MED4: variants seen among roughly 807,000 people sequenced by gnomAD.
MED4 encodes the protein mediator of RNA polymerase II transcription subunit 4.
A neutral mutation model predicts 35.0 loss-of-function variants in MED4; 21 were observed. That is an observed-to-expected ratio of 0.60 (90% CI 0.43 to 0.86). MED4 has a LOEUF of 0.86. Ranked by LOEUF, MED4 falls within the 40% of genes least tolerant of loss-of-function variation. The pLI is 0.00. For synonymous variants in MED4, 138 were observed against 114.0 expected, an observed-to-expected ratio of 1.21 and a Z score of -1.34; for missense variants, 300 against 319.4, an observed-to-expected ratio of 0.94 and a Z score of 0.46.
chr13:48,085,867 A>T (rs1012101668), intron 3 of MED4, among the ~76,000 whole-genome samples: 8 of 152,094 alleles, frequency 5.3e-5, no homozygotes, highest in Non-Finnish European at 1.0e-4. Context: ...AATTTATAAA[A>T]TGTGTATATA....
At chr13:48,089,736 C>T (rs375892805) in intron 2 of MED4, among the ~76,000 whole-genome samples, 51 of 152,056 alleles carry the variant, frequency 3.4e-4, no homozygotes, top group Non-Finnish European at 7.4e-5. Context: ...GGCTACAGAG[C>T]GAGAACTTGT....
chr13:48,081,793 G>A, intron 4 of MED4, 62 bp from the exon 5 acceptor site: 1 of 979,824 alleles, frequency 1.0e-6, no homozygotes, highest in Admixed American at 2.5e-5. Flanking sequence ...GTTTAGAAAT[G>A]TATCTATCAG....
At chr13:48,089,024 C>G (rs1292481766) in intron 2 of MED4, among the ~76,000 whole-genome samples, 1 of 152,190 alleles carries the variant, frequency 6.6e-6, no homozygotes, top group South Asian at 2.1e-4. Flanking sequence ...GTGCCTGGCT[C>G]ATAGCAAGCA....
At position 48,094,981 on chromosome 13, in the gene MED4, G is replaced by T; in HGVS notation, c.98C>A (p.Ala33Glu). The T allele has an allele frequency of 1.2e-6, 2 of 1,603,814 alleles. No individual in the cohort carries two copies. Among genetic ancestry groups the T allele is most frequent in the Non-Finnish European group, 1.7e-6 (2 of 1,179,806 alleles). ...AGACAGGACCTCCAAGTCCTCAAGC[G>T]CAGACAGCAGCCGCTCTCGTGTGCT... ...GNSTRERLLS[A>E]LEDLEVLSRE... The change falls in exon 1 of 7, where the codon GCG becomes GAG. Residue 33 changes from alanine to glutamate, a missense_variant. Coordinates refer to ENST00000258648, the MANE Select transcript of MED4 (RefSeq NM_014166.4).
intron 1 of MED4, among the ~76,000 whole-genome samples, chr13:48,091,038 T>G (rs1489706191): frequency 6.6e-6 from 1 of 152,200 alleles, no homozygotes; most frequent in African/African-American, 2.4e-5. Flanking sequence ...TATCTGGCCT[T>G]TGCAGAAAAA....
chr13:48,092,634 A>G (rs975627717), intron 1 of MED4, among the ~76,000 whole-genome samples: 2 of 152,248 alleles, frequency 1.3e-5, no homozygotes, highest in Non-Finnish European at 2.9e-5. Context: ...TCGTGATGGG[A>G]GAAACATGGA....
At chr13:48,082,246 A>T (rs1167558699) in intron 4 of MED4, among the ~76,000 whole-genome samples, 3 of 152,146 alleles carry the variant, frequency 2.0e-5, no homozygotes, top group African/African-American at 7.2e-5. Flanking sequence ...TTCAAAATGT[A>T]TGTACATATG....
chr13:48,080,319 C>G (rs9534949), intron 5 of MED4, among the ~76,000 whole-genome samples: 89,134 of 148,860 alleles, frequency 0.6, 29,088 homozygotes, highest in Non-Finnish European at 0.73. Context: ...ATCGCTTGAA[C>G]CCGGGAGGCA....
intron 3 of MED4, among the ~76,000 whole-genome samples, chr13:48,083,659 T>C (rs1242042503): frequency 6.6e-6 from 1 of 152,232 alleles, no homozygotes; most frequent in Non-Finnish European, 1.5e-5. Flanking sequence ...AAATTAGTTG[T>C]AGAAACAAAA....
intron 2 of MED4, among the ~76,000 whole-genome samples, chr13:48,087,661 C>T (rs904253877): frequency 6.6e-6 from 1 of 151,998 alleles, no homozygotes; most frequent in African/African-American, 2.4e-5. Context: ...ACCAGCCTAA[C>T]CAACATGGTG....
chr13:48,083,013 GAT>G (rs1226575023), intron 4 of MED4, among the ~76,000 whole-genome samples: 1 of 152,144 alleles, frequency 6.6e-6, no homozygotes, highest in Non-Finnish European at 1.5e-5. Context: ...TTGCCCAATG[GAT>G]GTCTTTTCAC....
intron 6 of MED4, among the ~76,000 whole-genome samples, chr13:48,078,560 G>A (rs1215510496): frequency 1.3e-5 from 2 of 152,200 alleles, no homozygotes; most frequent in Non-Finnish European, 2.9e-5. Context: ...CTGCTTGCCA[G>A]CTCTGGCCTC....
chr13:48,086,875 C>T (rs1950852327), intron 2 of MED4, among the ~76,000 whole-genome samples: 1 of 151,904 alleles, frequency 6.6e-6, no homozygotes, highest in South Asian at 2.1e-4. Flanking sequence ...CATGGTGAAA[C>T]CCCATCTCTA....
At chr13:48,085,915 T>A (rs1950845100) in intron 3 of MED4, among the ~76,000 whole-genome samples, 1 of 151,862 alleles carries the variant, frequency 6.6e-6, no homozygotes. Context: ...AATGAAAAAT[T>A]TCCCTGATTT....
chr13:48,094,665 A>G (rs763462186), intron 1 of MED4, among the ~76,000 whole-genome samples: 22 of 152,126 alleles, frequency 1.4e-4, no homozygotes, highest in Middle Eastern at 3.4e-3. Context: ...CGTCTCCCCA[A>G]TGCTGAGCCC....
At chr13:48,087,362 C>T (rs1336922169) in intron 2 of MED4, among the ~76,000 whole-genome samples, 1 of 151,788 alleles carries the variant, frequency 6.6e-6, no homozygotes, top group Non-Finnish European at 1.5e-5. Context: ...GAAACTCCAT[C>T]GCAAATATAT....
Position 48,076,899 on chromosome 13 carries a change from T to C in MED4, c.*240A>G, listed in dbSNP as rs1950763197. 2.5e-6 allele frequency: 1 copy of C among 398,876 alleles called. No homozygotes were observed. The highest frequency in any genetic ancestry group is 4.0e-5 in the South Asian group (1 of 24,908). The allele number at this position is 398,876 out of a possible 1,614,324, so 24.7% of individuals were successfully genotyped here. A position where few individuals can be genotyped will look rare whatever the true frequency, so the allele number is the denominator to read the frequency against. ...GGTAAGAAAGCACATAGCAACTGCTTTTTCAACAGTAAATTTTGACTATTC... is the reference window on the plus strand; with the variant it reads ...GGTAAGAAAGCACATAGCAACTGCTCTTTCAACAGTAAATTTTGACTATTC... On this transcript the variant is annotated 3_prime_UTR_variant, in exon 7 of 7. Transcript: ENST00000258648.
chr13:48,089,604 T>C (rs928360073), intron 2 of MED4, among the ~76,000 whole-genome samples: 13 of 152,126 alleles, frequency 8.5e-5, no homozygotes, highest in African/African-American at 3.1e-4. Flanking sequence ...TCTTTTAAAT[T>C]AGCAAGGCAT....
Position 48,095,090 on chromosome 13 carries a change from T to C in MED4, c.-12A>G. ...GAAGACGCAGCCATTTTCCCCAGAGTCCCGCCACCGGCGCACGCGCAGAGC... is the reference window on the plus strand; with the variant it reads ...GAAGACGCAGCCATTTTCCCCAGAGCCCCGCCACCGGCGCACGCGCAGAGC... On this transcript the variant is annotated 5_prime_UTR_variant, in exon 1 of 7. Transcript: ENST00000258648. The C allele has an allele frequency of 1.2e-6, 2 of 1,601,328 alleles. No individual in the cohort carries two copies. The highest frequency in any genetic ancestry group is 1.7e-6 in the Non-Finnish European group (2 of 1,179,648).
Sources: gnomAD v4.1 joint callset for allele counts (sites outside exome capture counted in the v4.1 genomes callset) on GRCh38, gnomAD v4.1.1 for gene constraint, MANE v1.5 for transcripts, NCBI Gene and HGNC (gene_info 2026-07-23, HGNC 2026-07-21) for gene names.